CHCHD6: variants seen among roughly 807,000 people sequenced by gnomAD.
CHCHD6 encodes the protein coiled-coil-helix-coiled-coil-helix domain containing 6.
Under a neutral mutation model 32.3 loss-of-function variants are expected in CHCHD6, and 28 were observed. That is an observed-to-expected ratio of 0.87 (90% confidence interval 0.64 to 1.19). The LOEUF (loss-of-function observed/expected upper bound fraction) is 1.19, where lower values mean the gene tolerates loss of function less well. CHCHD6 is among the 50% of genes most tolerant of loss of function. The pLI is 0.00. For missense variants in CHCHD6, 333 were observed against 307.0 expected, an observed-to-expected ratio of 1.08 and a Z score of -0.63; for synonymous variants, 122 against 117.5, an observed-to-expected ratio of 1.04 and a Z score of -0.25.
chr3:126,765,466 T>G (rs1937332325), intron 4 of CHCHD6, among the ~76,000 whole-genome samples: 3 of 152,124 alleles, frequency 2.0e-5, no homozygotes, highest in Non-Finnish European at 4.4e-5. Context: ...ATCTCAAATA[T>G]TTGGTACCAG....
intron 4 of CHCHD6, among the ~76,000 whole-genome samples, chr3:126,806,949 C>CA (rs1165856409): frequency 1.4e-5 from 2 of 147,068 alleles, no homozygotes; most frequent in East Asian, 4.0e-4. Flanking sequence ...ATCGCAAGGA[C>CA]AAAAAACGAA....
intron 1 of CHCHD6, among the ~76,000 whole-genome samples, chr3:126,718,827 A>G (rs760938496): frequency 4.6e-5 from 7 of 152,202 alleles, no homozygotes; most frequent in Non-Finnish European, 8.8e-5. Context: ...TGCAGGGACC[A>G]CTGCCCAGAT....
At chr3:126,764,200 C>T (rs1292506907) in intron 4 of CHCHD6, among the ~76,000 whole-genome samples, 9 of 139,806 alleles carry the variant, frequency 6.4e-5, no homozygotes, top group South Asian at 4.7e-4. Context: ...TACATACATG[C>T]ATATATATAT....
intron 6 of CHCHD6, among the ~76,000 whole-genome samples, chr3:126,934,191 C>T (rs1444331983): frequency 6.6e-6 from 1 of 152,208 alleles, no homozygotes; most frequent in African/African-American, 2.4e-5. Context: ...CAAGCTCCTA[C>T]CAGCAGATTC....
intron 4 of CHCHD6, among the ~76,000 whole-genome samples, chr3:126,780,786 A>G (rs901154275): frequency 1.3e-5 from 2 of 152,200 alleles, no homozygotes; most frequent in East Asian, 1.9e-4. Flanking sequence ...AGAACACCCA[A>G]CTATCAGAGG....
intron 5 of CHCHD6, among the ~76,000 whole-genome samples, chr3:126,878,935 C>T (rs369178149): frequency 6.6e-6 from 1 of 152,306 alleles, no homozygotes; most frequent in South Asian, 2.1e-4. Context: ...TGGGCCTCAT[C>T]TGGGAAGACT....
At chr3:126,726,044 T>G (rs961012609) in intron 1 of CHCHD6, among the ~76,000 whole-genome samples, 1 of 152,240 alleles carries the variant, frequency 6.6e-6, no homozygotes, top group Non-Finnish European at 1.5e-5. Flanking sequence ...TTTCAACAAC[T>G]TTTCCTAACT....
chr3:126,790,384 G>T (rs1346797586), intron 4 of CHCHD6, among the ~76,000 whole-genome samples: 1 of 152,140 alleles, frequency 6.6e-6, no homozygotes, highest in Non-Finnish European at 1.5e-5. Context: ...TGCTAGGTTG[G>T]GGAAGTTCTC....
chr3:126,943,715 CTCT>C (rs2078595530), intron 6 of CHCHD6, among the ~76,000 whole-genome samples: 1 of 152,078 alleles, frequency 6.6e-6, no homozygotes, highest in Non-Finnish European at 1.5e-5. Context: ...TGTCTGAGAG[CTCT>C]TCTTTGCAAT....
At chr3:126,932,820 C>T (rs1056991644) in intron 6 of CHCHD6, among the ~76,000 whole-genome samples, 1 of 152,218 alleles carries the variant, frequency 6.6e-6, no homozygotes, top group Admixed American at 6.5e-5. Flanking sequence ...TTGGAGCCTC[C>T]CTGTCCGTTT....
intron 4 of CHCHD6, among the ~76,000 whole-genome samples, chr3:126,755,453 C>T (rs919213107): frequency 6.6e-6 from 1 of 152,166 alleles, no homozygotes; most frequent in African/African-American, 2.4e-5. Context: ...TGAGGCTCTG[C>T]AGCACAGCAG....
chr3:126,906,522 T>C (rs1037475568), intron 5 of CHCHD6, among the ~76,000 whole-genome samples: 2 of 152,224 alleles, frequency 1.3e-5, no homozygotes, highest in African/African-American at 4.8e-5. Flanking sequence ...ATCTTGCTGC[T>C]TTACGCCGGG....
At position 126,884,046 on chromosome 3, in the gene CHCHD6, C is replaced by CA. The variant is rs547171449; in HGVS notation, c.496-30633dup. Reference sequence around the variant, plus strand: ...ATTCATTTTTGGGGAGTAAAATACTCATTTGAATCTGTTACTTTTCTTTGT... The same window carrying CA: ...ATTCATTTTTGGGGAGTAAAATACTCAATTTGAATCTGTTACTTTTCTTTGT... On this transcript the variant is annotated intron_variant, in intron 5 of 7. Transcript: ENST00000290913. Among the ~76,000 whole-genome samples the CA allele has an allele frequency of 1.6e-3, 240 of 151,712 alleles. 5 individuals are homozygous for CA. In the South Asian group the frequency reaches 0.049, roughly 31 times the overall value.
At chr3:126,911,721 A>G (rs1354897071) in intron 5 of CHCHD6, among the ~76,000 whole-genome samples, 1 of 152,232 alleles carries the variant, frequency 6.6e-6, no homozygotes. Flanking sequence ...CCCAAGCACT[A>G]TCCAAATTCA....
At chr3:126,923,594 C>A (rs2078283213) in intron 6 of CHCHD6, among the ~76,000 whole-genome samples, 2 of 152,240 alleles carry the variant, frequency 1.3e-5, no homozygotes, top group Admixed American at 1.3e-4. Flanking sequence ...GAGGCAGGGC[C>A]TTGCACAAGG....
intron 4 of CHCHD6, among the ~76,000 whole-genome samples, chr3:126,749,939 G>A (rs1488289033): frequency 6.6e-6 from 1 of 152,142 alleles, no homozygotes; most frequent in African/African-American, 2.4e-5. Flanking sequence ...ACTGTTGTTT[G>A]TTGCCTCCTC....
At chr3:126,846,909 A>G (rs1291804328) in intron 4 of CHCHD6, among the ~76,000 whole-genome samples, 1 of 152,222 alleles carries the variant, frequency 6.6e-6, no homozygotes, top group Non-Finnish European at 1.5e-5. Flanking sequence ...ATAAAACAGT[A>G]GACAGTCCAC....
At chr3:126,948,257 G>T (rs2078667666) in intron 6 of CHCHD6, among the ~76,000 whole-genome samples, 1 of 152,178 alleles carries the variant, frequency 6.6e-6, no homozygotes, top group South Asian at 2.1e-4. Context: ...AGTTCTGGAG[G>T]GCAGAGGTCC....
chr3:126,895,460 A>G (rs747021918), intron 5 of CHCHD6, among the ~76,000 whole-genome samples: 8 of 152,192 alleles, frequency 5.3e-5, no homozygotes, highest in Non-Finnish European at 7.3e-5. Flanking sequence ...GACTGGAGAG[A>G]GGAAATGATA....
Sources: allele counts gnomAD v4.1 joint callset (sites outside exome capture counted in the v4.1 genomes callset), GRCh38; gene constraint gnomAD v4.1.1; transcripts MANE v1.5; gene names NCBI Gene and HGNC (gene_info 2026-07-23, HGNC 2026-07-21).